Variants in NXF1 observed in about 807,000 individuals in gnomAD.
The protein encoded by NXF1 is nuclear RNA export factor 1.
A neutral mutation model predicts 92.4 loss-of-function variants in NXF1; 43 were observed. That is an observed-to-expected ratio of 0.47 (90% CI 0.36 to 0.60). The LOEUF (loss-of-function observed/expected upper bound fraction) is 0.60, where lower values mean the gene tolerates loss of function less well. Ranked by LOEUF, NXF1 falls within the 20% of genes least tolerant of loss-of-function variation. The pLI is 0.00. For missense variants in NXF1, 576 were observed against 793.0 expected, an observed-to-expected ratio of 0.73 and a Z score of 3.29; for synonymous variants, 288 against 292.2, an observed-to-expected ratio of 0.99 and a Z score of 0.15.
chr11:62,803,356 C>T lies in NXF1; in HGVS notation c.369+63G>A, dbSNP rs930606529. ...ATAATTTTTGTGGAATAAAATTAAA[C>T]ATCTCCACTCTCAGCGTGGCCTCCT... On this transcript the variant is annotated intron_variant, in intron 3 of 20. Transcript: ENST00000294172. The T allele has an allele frequency of 3.1e-6, 4 of 1,306,936 alleles. No homozygotes were observed. In the East Asian group the frequency reaches 7.0e-5, roughly 23 times the overall value. 81.0% of individuals were successfully genotyped at this position (1,306,936 alleles called of 1,614,324 possible). A position where few individuals can be genotyped will look rare whatever the true frequency, so the allele number is the denominator to read the frequency against.
intron 17 of NXF1, 94 bp from the exon 18 acceptor site, chr11:62,795,101 A>G: frequency 8.4e-7 from 1 of 1,189,854 alleles, no homozygotes. Flanking sequence ...AAAGAATCCT[A>G]GCAAGTCAGA....
In NXF1 at chr11:62,796,184, G is replaced by A; in HGVS notation, c.1346-3C>T. Reference sequence around the variant, plus strand: ...CTTCAGCAGCCGGAACCGCAAGGCTGTGGGTAGAGGAGAAAGCTCAGTGGT... The same window carrying A: ...CTTCAGCAGCCGGAACCGCAAGGCTATGGGTAGAGGAGAAAGCTCAGTGGT... On this transcript the variant is annotated splice_region_variant and splice_polypyrimidine_tract_variant and intron_variant, in intron 15 of 20. Coordinates refer to ENST00000294172, the MANE Select transcript of NXF1 (RefSeq NM_006362.5). The A allele has an allele frequency of 6.2e-7, 1 of 1,614,124 alleles. No individual in the cohort carries two copies. The highest frequency in any genetic ancestry group is 8.5e-7 in the Non-Finnish European group (1 of 1,179,966).
At chr11:62,800,564 C>A in intron 9 of NXF1, 78 bp from the exon 10 acceptor site, 1 of 868,138 alleles carries the variant, frequency 1.2e-6, no homozygotes, top group Admixed American at 2.7e-5. Context: ...CCAGTCCCTA[C>A]GCTTAGCTCT....
At chr11:62,795,185 G>GT (rs2084407483) in intron 17 of NXF1, 178 bp from the exon 18 acceptor site, 2 of 584,658 alleles carry the variant, frequency 3.4e-6, no homozygotes, top group East Asian at 5.7e-5. Flanking sequence ...AAGGACAATA[G>GT]TAATAACTAC....
chr11:62,795,787 AAGG>A, intron 17 of NXF1, 111 bp downstream of exon 17: 5 of 1,003,044 alleles, frequency 5.0e-6, no homozygotes, highest in Non-Finnish European at 7.8e-6. Context: ...AGAATGGGAG[AAGG>A]AGCTCAAAAA....
At chr11:62,805,074 C>A in intron 1 of NXF1, 1 of 360,802 alleles carries the variant, frequency 2.8e-6, no homozygotes, top group Non-Finnish European at 4.9e-6. Flanking sequence ...CAACCACCCA[C>A]AAAGTTCAAA....
At chr11:62,801,879 G>C (rs1408403820) in intron 5 of NXF1, 60 bp from the exon 6 acceptor site, 1 of 1,603,002 alleles carries the variant, frequency 6.2e-7, no homozygotes, top group African/African-American at 1.3e-5. Context: ...GCAAGAACAA[G>C]ACCCAGTCCC....
At chr11:62,799,018 T>C in intron 10 of NXF1, 1 of 1,000,920 alleles carries the variant, frequency 1.0e-6, no homozygotes, top group Non-Finnish European at 1.2e-6. Flanking sequence ...TGGCACAGGA[T>C]GTTGGGGCAG....
intron 1 of NXF1, chr11:62,804,255 G>C: frequency 7.1e-7 from 1 of 1,408,480 alleles, no homozygotes; most frequent in Non-Finnish European, 9.4e-7. Flanking sequence ...AGACCCAAAA[G>C]TGTAACTGAA....
chr11:62,799,331 C>CT (rs2084454707), intron 10 of NXF1: 1 of 985,808 alleles, frequency 1.0e-6, no homozygotes, highest in Non-Finnish European at 1.2e-6. Flanking sequence ...TGAGTGGGCA[C>CT]TTGCTGTTGG....
rs1440882444 is a variant in NXF1 at position 62,802,247 on chromosome 11, C to T, written c.383G>A (p.Arg128Lys). 6.2e-7 allele frequency: 1 copy of T among 1,614,042 alleles called. No individual in the cohort carries two copies. The highest frequency in any genetic ancestry group is 1.1e-5 in the South Asian group (1 of 91,066). ...NWFKITIPYG[R>K]KYDKAWLLSM... is the part of the protein sequence containing the mutation. ...CAGGAGCCATGCCTTGTCATACTTT[C>T]TGCCATAAGGAATCTAGAAATGAGA... The change falls in exon 4 of 21, where the codon AGA (arginine) becomes AAA (lysine). Residue 128 changes from arginine (R) to lysine (K), a missense_variant. Arg to Lys is a conservative substitution (Grantham distance 26). This residue lies in a region of NXF1 where 425 missense variants were observed against 635.2 expected (regional missense o/e 0.67). Transcript: ENST00000294172.
chr11:62,795,752 G>C, intron 17 of NXF1, 149 bp downstream of exon 17: 1 of 754,710 alleles, frequency 1.3e-6, no homozygotes, highest in Non-Finnish European at 2.3e-6. Context: ...TGGAGAGGTA[G>C]GCCAAGCCAA....
chr11:62,794,822 TG>T (rs754483244), intron 18 of NXF1, 112 bp downstream of exon 18: 2 of 961,818 alleles, frequency 2.1e-6, no homozygotes, highest in African/African-American at 1.6e-5. Flanking sequence ...GAGCTTTCTC[TG>T]ATTTCCTGTT....
intron 3 of NXF1, among the ~76,000 whole-genome samples, chr11:62,803,036 T>C (rs1456085196): frequency 6.6e-6 from 1 of 152,172 alleles, no homozygotes; most frequent in Non-Finnish European, 1.5e-5. Flanking sequence ...AGGAGAATTT[T>C]TGGGCTGGGT....
At position 62,792,242 on chromosome 11, in the gene NXF1, G is replaced by A. The variant is rs1201853766; in HGVS notation, c.*234C>T. On this transcript the variant is annotated 3_prime_UTR_variant, in exon 21 of 21. Transcript: ENST00000294172. The stretch of plus-strand genomic sequence containing the variant: ...AGTACACAAAGCACCTAAGTCCTTC[G>A]GGTAGTTTAGTGTCAGTTCTACAAA... 7.4e-6 allele frequency: 5 copies of A among 679,884 alleles called. No homozygotes were observed. Among genetic ancestry groups the A allele is most frequent in the East Asian group, 5.1e-5 (2 of 39,566 alleles). The allele number at this position is 679,884 out of a possible 1,614,324, so 42.1% of individuals were successfully genotyped here.
intron 5 of NXF1, 60 bp downstream of exon 5, chr11:62,801,882 C>G: frequency 6.2e-7 from 1 of 1,603,062 alleles, no homozygotes; most frequent in African/African-American, 1.3e-5. Flanking sequence ...AGAACAAGAC[C>G]CAGTCCCTGC....
chr11:62,795,449 C>G (rs2084410129), intron 17 of NXF1: 1 of 211,550 alleles, frequency 4.7e-6, no homozygotes, highest in Non-Finnish European at 9.7e-6. Context: ...GCACTCCAGC[C>G]TGGTGATAGA....
chr11:62,795,868 A>G, intron 17 of NXF1, 33 bp downstream of exon 17: 1 of 1,604,718 alleles, frequency 6.2e-7, no homozygotes, highest in Non-Finnish European at 8.5e-7. Context: ...GGGTGGGACC[A>G]CGCTACAAAC....
chr11:62,796,713 C>T, intron 13 of NXF1, 146 bp from the exon 14 acceptor site: 2 of 630,788 alleles, frequency 3.2e-6, no homozygotes, highest in Non-Finnish European at 5.6e-6. Context: ...GGGTGAATAG[C>T]TTGAGCCCAG....
Sources: allele counts gnomAD v4.1 joint callset (sites outside exome capture counted in the v4.1 genomes callset), GRCh38; gene constraint gnomAD v4.1.1; regional missense constraint gnomAD v4.1.1; transcripts MANE v1.5; gene names NCBI Gene and HGNC (gene_info 2026-07-23, HGNC 2026-07-21).